Variants in RANBP17 observed in about 807,000 individuals in gnomAD.
RANBP17 encodes the protein RAN binding protein 17, also known as ran-binding protein 17.
Under a neutral mutation model 141.2 loss-of-function variants are expected in RANBP17, and 158 were observed. The observed-to-expected ratio is 1.12, with a 90% CI of 0.98 to 1.28. The LOEUF (loss-of-function observed/expected upper bound fraction) is 1.28. RANBP17 is among the 50% of genes most tolerant of loss of function. The pLI is 0.00. For missense variants in RANBP17, 1,438 were observed against 1,290.7 expected (o/e 1.11, Z -1.75); for synonymous variants, 430 against 450.0 (o/e 0.96, Z 0.56).
intron 16 of RANBP17, among the ~76,000 whole-genome samples, chr5:171,171,949 A>G (rs961314759): frequency 6.6e-6 from 1 of 151,954 alleles, no homozygotes; most frequent in Admixed American, 6.6e-5. Context: ...TCTAGTTGAC[A>G]GTATTGTCAT....
chr5:170,982,471 G>A (rs1338365950), intron 14 of RANBP17, among the ~76,000 whole-genome samples: 2 of 152,148 alleles, frequency 1.3e-5, no homozygotes, highest in Admixed American at 6.5e-5. Flanking sequence ...AAAGGATTTT[G>A]TTAAAAGATG....
intron 18 of RANBP17, among the ~76,000 whole-genome samples, chr5:171,194,714 G>GT (rs1288346607): frequency 6.6e-6 from 1 of 152,154 alleles, no homozygotes; most frequent in Non-Finnish European, 1.5e-5. Context: ...GTTTTCTTGG[G>GT]TAGATACCTA....
At position 170,910,733 on chromosome 5, in the gene RANBP17, T is replaced by A. The variant is rs183974130; in HGVS notation, c.595-236T>A. On this transcript the variant is annotated intron_variant, in intron 6 of 27. Transcript: ENST00000523189. Reference sequence around the variant, plus strand: ...TTGTTCTCCAGAAGCTTTGTGAGTGTCCTCCAACATTCAGAGTTCTGATTG... The same window carrying A: ...TTGTTCTCCAGAAGCTTTGTGAGTGACCTCCAACATTCAGAGTTCTGATTG... 169 of 444,252 alleles carry A rather than the reference T, an allele frequency of 3.8e-4. No individual in the cohort carries two copies. In the East Asian group the frequency reaches 6.0e-3, roughly 16 times the overall value. 27.5% of individuals were successfully genotyped at this position (444,252 alleles called of 1,614,324 possible).
In RANBP17 at chr5:171,221,488, A is replaced by G. The variant is rs138517833; in HGVS notation, c.2340-270A>G. ...AAAGAAGGGGCAAGAAATCTGTGAT[A>G]AAGAATGTCAGGATATTGTTTTGAC... On this transcript the variant is annotated intron_variant, in intron 21 of 27. Transcript: ENST00000523189. Among the ~76,000 whole-genome samples the G allele has an allele frequency of 4.0e-3, 614 of 152,344 alleles. 4 individuals are homozygous for G. Among genetic ancestry groups the G allele is most frequent in the African/African-American group, 0.014 (591 of 41,584 alleles).
At chr5:171,236,682 T>C (rs994202677) in intron 22 of RANBP17, among the ~76,000 whole-genome samples, 2 of 152,176 alleles carry the variant, frequency 1.3e-5, no homozygotes, top group Admixed American at 1.3e-4. Flanking sequence ...ATAGTTTACA[T>C]TTATAGAGCA....
chr5:170,988,268 A>G (rs1326376243), intron 14 of RANBP17, among the ~76,000 whole-genome samples: 2 of 151,304 alleles, frequency 1.3e-5, no homozygotes, highest in African/African-American at 2.4e-5. Context: ...GTTCTCGAGT[A>G]ATTATAGTTT....
At chr5:171,128,315 A>C (rs1581694589) in intron 14 of RANBP17, among the ~76,000 whole-genome samples, 1 of 152,240 alleles carries the variant, frequency 6.6e-6, no homozygotes, top group Non-Finnish European at 1.5e-5. Flanking sequence ...AATGCCATTC[A>C]GCTATGAAAA....
intron 14 of RANBP17, chr5:171,158,594 A>G (rs1348322087): frequency 5.8e-6 from 1 of 172,634 alleles, no homozygotes; most frequent in Non-Finnish European, 1.3e-5. Flanking sequence ...CCATTTGCTG[A>G]GAATTGCAAT....
At chr5:170,949,755 TA>T (rs982409797) in intron 12 of RANBP17, among the ~76,000 whole-genome samples, 4 of 152,122 alleles carry the variant, frequency 2.6e-5, no homozygotes. Flanking sequence ...TACATCCACA[TA>T]AAATCTTGTA....
intron 5 of RANBP17, among the ~76,000 whole-genome samples, chr5:170,899,196 T>C (rs577128820): frequency 2.0e-5 from 3 of 152,332 alleles, no homozygotes; most frequent in Middle Eastern, 3.4e-3. Context: ...CTTATTTACT[T>C]GAGCAGTGGT....
intron 25 of RANBP17, among the ~76,000 whole-genome samples, chr5:171,266,976 A>G (rs1231209326): frequency 6.6e-6 from 1 of 151,960 alleles, no homozygotes; most frequent in Non-Finnish European, 1.5e-5. Context: ...AAATATTTCA[A>G]AAAGAACAAT....
chr5:171,283,215 A>T (rs1363904860), intron 25 of RANBP17, among the ~76,000 whole-genome samples: 1 of 151,990 alleles, frequency 6.6e-6, no homozygotes, highest in Admixed American at 6.6e-5. Flanking sequence ...GGCCACTTAA[A>T]CTGTATCTTC....
At chr5:171,005,679 C>T (rs1231836072) in intron 14 of RANBP17, among the ~76,000 whole-genome samples, 1 of 152,178 alleles carries the variant, frequency 6.6e-6, no homozygotes, top group African/African-American at 2.4e-5. Context: ...AGGATATAGG[C>T]ATGGGCAAGG....
chr5:171,205,408 G>A (rs973424623), intron 19 of RANBP17, 116 bp from the exon 20 acceptor site: 6 of 790,144 alleles, frequency 7.6e-6, no homozygotes, highest in South Asian at 1.7e-5. Flanking sequence ...AGGTCTGAAC[G>A]AGACATTTTA....
intron 27 of RANBP17, 61 bp downstream of exon 27, chr5:171,296,075 A>G: frequency 3.9e-6 from 6 of 1,553,880 alleles, no homozygotes; most frequent in Non-Finnish European, 5.3e-6. Context: ...TGTTGAAAAT[A>G]ACTCTCTCGT....
intron 25 of RANBP17, among the ~76,000 whole-genome samples, chr5:171,268,056 TACA>T (rs767003622): frequency 1.3e-5 from 2 of 152,214 alleles, no homozygotes; most frequent in Non-Finnish European, 2.9e-5. Flanking sequence ...CTGGAACTGT[TACA>T]ACATGTTGGT....
At chr5:171,006,670 C>T (rs1175025812) in intron 14 of RANBP17, among the ~76,000 whole-genome samples, 1 of 150,928 alleles carries the variant, frequency 6.6e-6, no homozygotes, top group East Asian at 1.9e-4. Flanking sequence ...GGGTGCAGCA[C>T]ACCAACATGG....
chr5:171,112,181 T>A (rs1755282943), intron 14 of RANBP17, among the ~76,000 whole-genome samples: 1 of 152,136 alleles, frequency 6.6e-6, no homozygotes, highest in African/African-American at 2.4e-5. Flanking sequence ...TCAGAAGAGT[T>A]AGTTAATGCT....
chr5:171,206,135 C>A lies in RANBP17; in HGVS notation c.2231+523C>A, dbSNP rs1159859195. ...AATTGACCTTTGCCAAGGGTTAGTA[C>A]AGACAGGAAAAAAAAAAAAAACCCC... On this transcript the variant is annotated intron_variant, in intron 20 of 27. Coordinates refer to ENST00000523189, the MANE Select transcript of RANBP17 (RefSeq NM_022897.5). The A allele has an allele frequency of 1.7e-4, 28 of 167,642 alleles. 1 individual carries two copies. The highest frequency in any genetic ancestry group is 1.1e-3 in the South Asian group (9 of 8,286). 10.4% of individuals were successfully genotyped at this position (167,642 alleles called of 1,614,324 possible). A position where few individuals can be genotyped will look rare whatever the true frequency, so the allele number is the denominator to read the frequency against.
Sources: gnomAD v4.1 joint callset for allele counts (sites outside exome capture counted in the v4.1 genomes callset) on GRCh38, gnomAD v4.1.1 for gene constraint, MANE v1.5 for transcripts, NCBI Gene and HGNC (gene_info 2026-07-23, HGNC 2026-07-21) for gene names.